The following ATP8B1 variants were observed in gnomAD, a reference collection of about 807,000 sequenced individuals.
The protein encoded by ATP8B1 is ATPase phospholipid transporting 8B1.
A neutral mutation model predicts 149.9 loss-of-function variants in ATP8B1; 80 were observed. The ratio of observed to expected loss-of-function variants is 0.53; its 90% CI spans 0.45 to 0.64. The LOEUF is 0.64. Among genes scored for constraint, ATP8B1 ranks in the 30% least tolerant of loss-of-function variants. The probability of loss-of-function intolerance (pLI) is 0.00; values close to 1 mark genes in which losing one functional copy is unlikely to be tolerated. For missense variants in ATP8B1, 1,247 were observed against 1,552.6 expected, an observed-to-expected ratio of 0.80 and a Z score of 3.31; for synonymous variants, 536 against 562.8, an observed-to-expected ratio of 0.95 and a Z score of 0.67.
intron 4 of ATP8B1, among the ~76,000 whole-genome samples, chr18:57,703,686 G>A (rs929752998): frequency 6.6e-5 from 10 of 152,090 alleles, no homozygotes; most frequent in Non-Finnish European, 1.2e-4. Context: ...ACTAGTGTGT[G>A]TAGAGTTCCC....
At position 57,802,054 on chromosome 18, in the gene ATP8B1, G is replaced by GCCCCCC. The variant is rs56215104; in HGVS notation, c.-26+938_-26+943dup. 1 of 130,758 alleles carries GCCCCCC rather than the reference G, an allele frequency of 7.6e-6. No individual in the cohort carries two copies. The highest frequency in any genetic ancestry group is 1.7e-5 in the Non-Finnish European group (1 of 60,530). 8.1% of individuals were successfully genotyped at this position (130,758 alleles called of 1,614,324 possible). On this transcript the variant is annotated intron_variant, in intron 1 of 27. Transcript: ENST00000648908. This position sits in a 1 kb window ranked among gnomAD's most constrained non-coding sequence, Gnocchi z 4.9. ...GTCACGGATCTGCGCTCCGAGCACC[G>GCCCCCC]CCCCCCCCCGCAACCAGCCACCAAC...
At chr18:57,675,855 G>A (rs71355642) in intron 15 of ATP8B1, among the ~76,000 whole-genome samples, 49,695 of 151,908 alleles carry the variant, frequency 0.33, 8,741 homozygotes, top group Non-Finnish European at 0.4. Flanking sequence ...ACTGGTACAC[G>A]CCACCACACC....
At chr18:57,738,431 C>A (rs1398344349) in intron 1 of ATP8B1, among the ~76,000 whole-genome samples, 2 of 152,144 alleles carry the variant, frequency 1.3e-5, no homozygotes, top group African/African-American at 4.8e-5. Flanking sequence ...CAAGACCAGC[C>A]TGCCAACATG....
At chr18:57,656,565 C>T (rs748407942) in intron 22 of ATP8B1, among the ~76,000 whole-genome samples, 92 of 151,764 alleles carry the variant, frequency 6.1e-4, no homozygotes, top group Non-Finnish European at 1.1e-3. Context: ...TTTGTAGAGA[C>T]GGGGTTTCAC....
chr18:57,661,188 A>T lies in ATP8B1; in HGVS notation c.2693T>A (p.Val898Glu). 6.2e-7 allele frequency: 1 copy of T among 1,613,782 alleles called. No homozygotes were observed. Among genetic ancestry groups the T allele is most frequent in the Non-Finnish European group, 8.5e-7 (1 of 1,180,006 alleles). The change falls in exon 22 of 28, where the codon GTG becomes GAG. Residue 898 changes from valine to glutamate, a missense_variant. Transcript: ENST00000648908. ...TLAIGDGAND[V>E]NMIKTAHIGV... ...GCATGACTCACTTTTGATCATGTTC[A>T]CGTCATTGGCCCCATCTCCGATGGC...
chr18:57,740,064 G>A (rs1432444234), intron 1 of ATP8B1, among the ~76,000 whole-genome samples: 2 of 151,986 alleles, frequency 1.3e-5, no homozygotes, highest in African/African-American at 4.8e-5. Flanking sequence ...CTGACATACC[G>A]GCTATGGTAG....
intron 23 of ATP8B1, among the ~76,000 whole-genome samples, chr18:57,654,695 CTTTTT>C (rs35541979): frequency 1.5e-5 from 2 of 131,432 alleles, no homozygotes; most frequent in Admixed American, 7.8e-5. Flanking sequence ...AAATCCCCTC[CTTTTT>C]TTTTTTTTTT....
chr18:57,693,382 G>A (rs1912639289), intron 11 of ATP8B1, among the ~76,000 whole-genome samples: 2 of 152,112 alleles, frequency 1.3e-5, no homozygotes, highest in African/African-American at 2.4e-5. Flanking sequence ...GATGTTTGGA[G>A]GATTTCCCAG....
At chr18:57,785,530 G>T (rs1048322877) in intron 1 of ATP8B1, among the ~76,000 whole-genome samples, 1 of 152,116 alleles carries the variant, frequency 6.6e-6, no homozygotes, top group Admixed American at 6.5e-5. Context: ...TTTTGAGACG[G>T]AGTCTCGCTC....
chr18:57,771,370 C>T (rs1473060709), intron 1 of ATP8B1, among the ~76,000 whole-genome samples: 2 of 152,220 alleles, frequency 1.3e-5, no homozygotes, highest in African/African-American at 2.4e-5. Flanking sequence ...GTCTACCTCT[C>T]TCAGCACTGG....
intron 2 of ATP8B1, 200 bp downstream of exon 2, chr18:57,731,427 T>G (rs1010154970): frequency 1.7e-6 from 1 of 575,656 alleles, no homozygotes; most frequent in African/African-American, 1.9e-5. Context: ...TTGTCAGATA[T>G]GCTCTCCCAG....
intron 2 of ATP8B1, chr18:57,731,408 C>G: frequency 2.2e-6 from 1 of 461,552 alleles, no homozygotes; most frequent in South Asian, 2.1e-5. Flanking sequence ...TGTATTTTCT[C>G]TGCAGAACTT....
intron 12 of ATP8B1, 133 bp from the exon 13 acceptor site, chr18:57,688,640 C>T (rs1912380747): frequency 1.1e-6 from 1 of 933,104 alleles, no homozygotes; most frequent in Non-Finnish European, 1.7e-6. Context: ...GAATCCCCCT[C>T]CAAATTCATA....
rs1555653789 is a variant in ATP8B1 at position 57,756,305 on chromosome 18, A to ATATG, written c.-25-24474_-25-24473insCATA. Among the ~76,000 whole-genome samples, 444 of 106,034 alleles carry ATATG rather than the reference A, an allele frequency of 4.2e-3. 41 individuals are homozygous for ATATG. Among genetic ancestry groups the ATATG allele is most frequent in the Middle Eastern group, 0.01 (2 of 200 alleles). The allele number at this position is 106,034 out of a possible 152,430, so 69.6% of individuals were successfully genotyped here. On this transcript the variant is annotated intron_variant, in intron 1 of 27. Coordinates refer to ENST00000648908, the MANE Select transcript of ATP8B1 (RefSeq NM_001374385.1). Reference sequence around the variant, plus strand: ...CATATATATGTGTGTGTGTATGTATATATATATATATTTGAGACTGAGTTT... The same window carrying ATATG: ...CATATATATGTGTGTGTGTATGTATATATGTATATATATATTTGAGACTGAGTTT...
Position 57,672,911 on chromosome 18 carries a change from T to TAAA in ATP8B1, c.1820-1332_1820-1331insTTT, listed in dbSNP as rs1447185868. Among the ~76,000 whole-genome samples the TAAA allele has an allele frequency of 1.4e-3, 103 of 72,312 alleles. 3 individuals carry two copies. Among genetic ancestry groups the TAAA allele is most frequent in the Non-Finnish European group, 2.3e-3 (85 of 36,648 alleles). 47.4% of individuals were successfully genotyped at this position (72,312 alleles called of 152,430 possible). ...GTATATATATATATATATATATATA[T>TAAA]ATATATATATATATATATATAACAT... On this transcript the variant is annotated intron_variant, in intron 16 of 27. Transcript: ENST00000648908.
intron 6 of ATP8B1, among the ~76,000 whole-genome samples, chr18:57,699,585 G>A (rs1481808425): frequency 6.6e-6 from 1 of 152,104 alleles, no homozygotes; most frequent in Non-Finnish European, 1.5e-5. Flanking sequence ...TTAGCCAGGT[G>A]CAGTGGCGGG....
intron 27 of ATP8B1, among the ~76,000 whole-genome samples, chr18:57,649,056 C>T (rs139448558): frequency 6.6e-6 from 1 of 152,126 alleles, no homozygotes; most frequent in African/African-American, 2.4e-5. Flanking sequence ...CACTGCCACA[C>T]CCGTCTAATT....
intron 19 of ATP8B1, 113 bp from the exon 20 acceptor site, chr18:57,667,280 C>T: frequency 1.2e-6 from 1 of 854,706 alleles, no homozygotes; most frequent in Non-Finnish European, 1.9e-6. Flanking sequence ...TGCAGTGGCA[C>T]AATCTCTGCT....
At position 57,697,786 on chromosome 18, in the gene ATP8B1, TTC is replaced by T. The variant is rs372850252; in HGVS notation, c.627+7_627+8del. 10 of 1,613,758 alleles carry T rather than the reference TTC, an allele frequency of 6.2e-6. No individual in the cohort carries two copies. The African/African-American group carries it at 8.0e-5, about 13-fold the overall frequency. On this transcript the variant is annotated splice_region_variant and intron_variant, in intron 7 of 27. Coordinates refer to ENST00000648908, the MANE Select transcript of ATP8B1 (RefSeq NM_001374385.1). Reference sequence around the variant, plus strand: ...CAAGGAACAAGAGAAGCAGAATTTGTTCACTTACTGGAACAAAATCATTTTTT... The same window carrying T: ...CAAGGAACAAGAGAAGCAGAATTTGTACTTACTGGAACAAAATCATTTTTT...
Sources: allele counts gnomAD v4.1 joint callset (sites outside exome capture counted in the v4.1 genomes callset), GRCh38; gene constraint gnomAD v4.1.1; non-coding constraint Gnocchi (gnomAD v3.1); transcripts MANE v1.5; gene names NCBI Gene and HGNC (gene_info 2026-07-23, HGNC 2026-07-21).